Variants in MACF1 observed in about 807,000 individuals in gnomAD.
MACF1 encodes microtubule-actin cross-linking factor 1.
MACF1 carries 193 observed loss-of-function variants against 854.8 expected under a neutral mutation model. The observed-to-expected ratio is 0.23, with a 90% CI of 0.20 to 0.25. The LOEUF (loss-of-function observed/expected upper bound fraction) is 0.25, where lower values mean the gene tolerates loss of function less well. Among genes scored for constraint, MACF1 ranks in the 10% least tolerant of loss-of-function variants. MACF1 has a pLI of 1.00. For synonymous variants in MACF1, 3,185 were observed against 3,226.7 expected (o/e 0.99, Z 0.44); for missense variants, 7,722 against 8,929.1 (o/e 0.86, Z 5.45).
intron 2 of MACF1, among the ~76,000 whole-genome samples, chr1:39,147,341 C>T (rs1351397883): frequency 1.4e-5 from 2 of 145,862 alleles, no homozygotes; most frequent in East Asian, 2.0e-4. Context: ...TTTTCTTTTT[C>T]CTTCTCTTTT....
chr1:39,252,846 C>G (rs1645056649), intron 4 of MACF1, among the ~76,000 whole-genome samples: 1 of 152,178 alleles, frequency 6.6e-6, no homozygotes. Context: ...TGAACAGATT[C>G]TCCTATTTGA....
At chr1:39,407,336 G>A (rs1270340128) in intron 58 of MACF1, among the ~76,000 whole-genome samples, 2 of 152,156 alleles carry the variant, frequency 1.3e-5, no homozygotes, top group Non-Finnish European at 2.9e-5. Context: ...CTTTCTCTAG[G>A]TCAGACATTA....
intron 40 of MACF1, among the ~76,000 whole-genome samples, chr1:39,344,735 G>A (rs1308254104): frequency 1.3e-5 from 2 of 152,152 alleles, no homozygotes; most frequent in Non-Finnish European, 2.9e-5. Flanking sequence ...TTTAGAGGAA[G>A]TTCATATACC....
chr1:39,219,648 C>T (rs1388832741), intron 1 of MACF1, among the ~76,000 whole-genome samples: 1 of 152,160 alleles, frequency 6.6e-6, no homozygotes, highest in Non-Finnish European at 1.5e-5. Context: ...ACATTGGGAA[C>T]ATTAAGTGGT....
intron 83 of MACF1, 57 bp downstream of exon 83, chr1:39,448,209 C>T (rs1330645227): frequency 2.0e-6 from 3 of 1,534,830 alleles, no homozygotes; most frequent in Admixed American, 2.2e-5. Context: ...AAGCTTGTAT[C>T]TTGCCAAAAA....
rs148687589 is a variant in MACF1 at position 39,315,636 on chromosome 1, C to G, written c.3394C>G (p.Leu1132Val). The G allele has an allele frequency of 6.2e-6, 10 of 1,614,146 alleles. No homozygotes were observed. Among genetic ancestry groups the G allele is most frequent in the Non-Finnish European group, 7.6e-6 (9 of 1,180,008 alleles). The change falls in exon 27 of 101, where the codon CTG becomes GTG. Residue 1132 changes from leucine to valine, a missense_variant. Transcript: ENST00000564288. ...CCCAACTCTGCGCTCAGAACTGAAT[C>G]TGCTGGTGGAGAAGATGGACCATGT... ...SVPTLRSELN[L>V]LVEKMDHVYG...
In MACF1 at chr1:39,484,606, C is replaced by A. The variant is rs781722174; in HGVS notation, c.22287C>A (p.Ile7429=). 15 of 1,612,236 alleles carry A rather than the reference C, an allele frequency of 9.3e-6. No individual in the cohort carries two copies. Among genetic ancestry groups the A allele is most frequent in the Non-Finnish European group, 1.3e-5 (15 of 1,179,292 alleles). The part of the protein sequence containing the change: ...PDLQLPTPEV[I]PSSGSKLKRP... ...TTTTTATTATTTTTTTTAAGGTTAT[C>A]CCATCATCAGGTAGCAAGTTGAAAC... Residue 7429 remains isoleucine (I), a synonymous_variant, in exon 100 of 101, where the codon ATC becomes ATA. Coordinates refer to ENST00000564288, the MANE Select transcript of MACF1 (RefSeq NM_001394062.1).
intron 58 of MACF1, among the ~76,000 whole-genome samples, chr1:39,404,576 G>C (rs1369726452): frequency 6.6e-6 from 1 of 152,124 alleles, no homozygotes; most frequent in Non-Finnish European, 1.5e-5. Flanking sequence ...TTGTAACCTT[G>C]AACTCCTGGG....
intron 2 of MACF1, among the ~76,000 whole-genome samples, chr1:39,194,117 G>T (rs778242554): frequency 6.6e-6 from 1 of 151,982 alleles, no homozygotes; most frequent in Non-Finnish European, 1.5e-5. Flanking sequence ...ACAGGCATGC[G>T]CCACCACACC....
chr1:39,280,979 A>C (rs916555360), intron 6 of MACF1, among the ~76,000 whole-genome samples: 1 of 152,324 alleles, frequency 6.6e-6, no homozygotes, highest in East Asian at 1.9e-4. Flanking sequence ...GGAAGAGATA[A>C]GGGAACCCTT....
In MACF1 at chr1:39,153,192, C is replaced by T. The variant is rs547447487; in HGVS notation, c.220+68754C>T. Among the ~76,000 whole-genome samples, 35 of 152,250 alleles carry T rather than the reference C, an allele frequency of 2.3e-4. No individual in the cohort carries two copies. In the South Asian group the frequency reaches 6.8e-3, roughly 30 times the overall value. On this transcript the variant is annotated intron_variant, in intron 2 of 93. Transcript: ENST00000361689. The stretch of plus-strand genomic sequence containing the variant: ...TCTGCTAGAGATCTATAACCTTGTT[C>T]CAGTGGAAGGTGACTCTTACCTCTG...
At chr1:39,412,563 G>A (rs1346690299) in intron 58 of MACF1, 2 of 1,614,008 alleles carry the variant, frequency 1.2e-6, no homozygotes, top group South Asian at 2.2e-5. Context: ...TGCACCTGCT[G>A]GTTGAAGAAC....
At chr1:39,342,618 C>G (rs1646960410) in intron 40 of MACF1, among the ~76,000 whole-genome samples, 1 of 148,702 alleles carries the variant, frequency 6.7e-6, no homozygotes, top group Non-Finnish European at 1.5e-5. Context: ...CTCACTGCAA[C>G]CTCCATTCTC....
intron 70 of MACF1, 146 bp from the exon 71 acceptor site, chr1:39,437,629 CAA>C: frequency 1.4e-6 from 1 of 735,010 alleles, no homozygotes; most frequent in Non-Finnish European, 2.4e-6. Flanking sequence ...GTTTCTTAAC[CAA>C]ACTCAACACT....
intron 2 of MACF1, among the ~76,000 whole-genome samples, chr1:39,237,735 C>A (rs1644875815): frequency 6.7e-6 from 1 of 149,874 alleles, no homozygotes; most frequent in African/African-American, 2.5e-5. Context: ...TTTTTTTAGA[C>A]AATACTGATA....
At chr1:39,251,056 G>A (rs1645035142) in intron 3 of MACF1, among the ~76,000 whole-genome samples, 1 of 152,164 alleles carries the variant, frequency 6.6e-6, no homozygotes, top group South Asian at 2.1e-4. Flanking sequence ...CTTAGTCATT[G>A]TTTGTTGTGT....
chr1:39,484,846 C>T (rs1383660840), intron 100 of MACF1, 116 bp downstream of exon 100: 1 of 1,184,404 alleles, frequency 8.4e-7, no homozygotes, highest in Non-Finnish European at 1.3e-6. Context: ...TAGTGTGATG[C>T]CCAGAAAGAC....
chr1:39,102,141 C>A (rs1311608664), intron 2 of MACF1, among the ~76,000 whole-genome samples: 1 of 151,294 alleles, frequency 6.6e-6, no homozygotes, highest in Non-Finnish European at 1.5e-5. Flanking sequence ...CGCGCCACTG[C>A]ACTCCAGCCT....
chr1:39,386,606 A>G (rs1641800636), intron 57 of MACF1, among the ~76,000 whole-genome samples: 1 of 151,904 alleles, frequency 6.6e-6, no homozygotes, highest in Non-Finnish European at 1.5e-5. Context: ...TAATTTTTGT[A>G]TTTTTAATAG....
Sources: allele counts gnomAD v4.1 joint callset (sites outside exome capture counted in the v4.1 genomes callset), GRCh38; gene constraint gnomAD v4.1.1; transcripts MANE v1.5; gene names NCBI Gene and HGNC (gene_info 2026-07-23, HGNC 2026-07-21).